Variants in NRXN1 observed in about 807,000 individuals in gnomAD.
NRXN1 encodes the protein neurexin-1.
NRXN1 carries 39 observed loss-of-function variants against 150.9 expected under a neutral mutation model. The observed-to-expected ratio is 0.26, with a 90% CI of 0.20 to 0.34. The LOEUF (loss-of-function observed/expected upper bound fraction) is 0.34. NRXN1 is among the 10% of genes least tolerant of loss of function. The pLI is 1.00. For synonymous variants in NRXN1, 924 were observed against 757.0 expected (o/e 1.22, Z -3.62); for missense variants, 1,815 against 1,949.9 (o/e 0.93, Z 1.30).
intron 18 of NRXN1, among the ~76,000 whole-genome samples, chr2:50,161,137 AG>A (rs1431122630): frequency 1.3e-5 from 2 of 152,158 alleles, no homozygotes; most frequent in Non-Finnish European, 1.5e-5. Flanking sequence ...GACTGTTTGT[AG>A]TACTTCAATG....
intron 6 of NRXN1, 149 bp from the exon 7 acceptor site, chr2:50,621,398 T>C (rs1290580447): frequency 3.1e-5 from 19 of 603,934 alleles, no homozygotes; most frequent in Middle Eastern, 6.1e-4. Flanking sequence ...AATGACATGT[T>C]AGTTATTAAG....
At chr2:50,241,230 T>A (rs1428197756) in intron 17 of NRXN1, among the ~76,000 whole-genome samples, 1 of 145,556 alleles carries the variant, frequency 6.9e-6, no homozygotes, top group Admixed American at 6.8e-5. Context: ...AAAAAAAAAA[T>A]CACTTGACCA....
At chr2:50,606,250 G>GA (rs1203771076) in intron 8 of NRXN1, among the ~76,000 whole-genome samples, 27,413 of 75,854 alleles carry the variant, frequency 0.36, 3,890 homozygotes, top group East Asian at 0.41. Context: ...CTCTGTTTCA[G>GA]AAAAAAAAAA....
intron 17 of NRXN1, among the ~76,000 whole-genome samples, chr2:50,386,608 G>C (rs1007898774): frequency 6.6e-6 from 1 of 152,028 alleles, no homozygotes; most frequent in African/African-American, 2.4e-5. Context: ...CAAATTGTGG[G>C]GGCAAATTGA....
At chr2:50,970,148 G>A (rs903389777) in intron 2 of NRXN1, among the ~76,000 whole-genome samples, 11 of 152,124 alleles carry the variant, frequency 7.2e-5, no homozygotes, top group Admixed American at 6.6e-4. Flanking sequence ...TACACAGAAA[G>A]GTGGAGAGAA....
intron 17 of NRXN1, among the ~76,000 whole-genome samples, chr2:50,336,767 T>G (rs9309181): frequency 0.37 from 55,736 of 152,046 alleles, 13,570 homozygotes; most frequent in African/African-American, 0.69. Flanking sequence ...ACAGATGTCA[T>G]TTGAGATTAA....
At chr2:50,494,556 A>T (rs2091452224) in intron 15 of NRXN1, among the ~76,000 whole-genome samples, 2 of 152,216 alleles carry the variant, frequency 1.3e-5, no homozygotes, top group African/African-American at 4.8e-5. Context: ...TGTGGGTACA[A>T]ATAAGATCTC....
chr2:50,722,966 G>C (rs1696872319), intron 5 of NRXN1, among the ~76,000 whole-genome samples: 1 of 151,988 alleles, frequency 6.6e-6, no homozygotes, highest in Non-Finnish European at 1.5e-5. Context: ...CTCACACTTG[G>C]GATGCTGAGC....
At chr2:50,087,874 T>C (rs1237185642) in intron 19 of NRXN1, among the ~76,000 whole-genome samples, 4 of 152,170 alleles carry the variant, frequency 2.6e-5, no homozygotes, top group African/African-American at 4.8e-5. Flanking sequence ...ATTAAAGGTA[T>C]AGTGTTGCTA....
chr2:50,962,714 A>T (rs1283671235), intron 2 of NRXN1, among the ~76,000 whole-genome samples: 1 of 151,586 alleles, frequency 6.6e-6, no homozygotes, highest in Non-Finnish European at 1.5e-5. Flanking sequence ...TTGAGTTTTC[A>T]TGAATGTTGA....
At chr2:50,739,918 GA>G (rs1699226403) in intron 5 of NRXN1, among the ~76,000 whole-genome samples, 1 of 152,046 alleles carries the variant, frequency 6.6e-6, no homozygotes, top group South Asian at 2.1e-4. Flanking sequence ...TTCAAATGCT[GA>G]AAAAATTATC....
chr2:50,885,800 A>G (rs1272548993), intron 5 of NRXN1, among the ~76,000 whole-genome samples: 1 of 143,452 alleles, frequency 7.0e-6, no homozygotes. Flanking sequence ...CAGAATGTCT[A>G]AATCGTAAAT....
At chr2:50,325,381 C>T (rs1558527951) in intron 17 of NRXN1, among the ~76,000 whole-genome samples, 1 of 152,192 alleles carries the variant, frequency 6.6e-6, no homozygotes, top group Non-Finnish European at 1.5e-5. Flanking sequence ...ATGCCCCCCA[C>T]CAGGTCCCAT....
intron 17 of NRXN1, among the ~76,000 whole-genome samples, chr2:50,458,085 G>A (rs982874433): frequency 1.3e-5 from 2 of 152,184 alleles, no homozygotes. Context: ...ATCAACCTAA[G>A]AATCTGTGGA....
intron 17 of NRXN1, among the ~76,000 whole-genome samples, chr2:50,308,910 T>C (rs2074910489): frequency 6.6e-6 from 1 of 152,104 alleles, no homozygotes; most frequent in Non-Finnish European, 1.5e-5. Context: ...AGCTAAAAAA[T>C]GGGGATAGGT....
At chr2:50,805,873 C>T (rs1279843968) in intron 5 of NRXN1, among the ~76,000 whole-genome samples, 1 of 152,124 alleles carries the variant, frequency 6.6e-6, no homozygotes, top group Non-Finnish European at 1.5e-5. Context: ...GGTCCTTCTA[C>T]TCTCTTCCTT....
At chr2:50,001,785 G>A (rs187293222) in intron 21 of NRXN1, among the ~76,000 whole-genome samples, 3 of 151,988 alleles carry the variant, frequency 2.0e-5, no homozygotes, top group African/African-American at 7.2e-5. Flanking sequence ...AGTAATTTCT[G>A]CCTCCTATAT....
At chr2:50,931,173 G>A (rs1359571053) in intron 2 of NRXN1, among the ~76,000 whole-genome samples, 1 of 151,940 alleles carries the variant, frequency 6.6e-6, no homozygotes, top group East Asian at 1.9e-4. Flanking sequence ...TAAGACTAAT[G>A]GTCTTCATTT....
intron 17 of NRXN1, among the ~76,000 whole-genome samples, chr2:50,249,156 T>TA (rs35936950): frequency 6.7e-4 from 96 of 142,736 alleles, no homozygotes; most frequent in African/African-American, 1.5e-3. Context: ...GACCCTTTCT[T>TA]AAAAAAAAAA....
Sources: allele counts gnomAD v4.1 joint callset (sites outside exome capture counted in the v4.1 genomes callset), GRCh38; gene constraint gnomAD v4.1.1; transcripts MANE v1.5; gene names NCBI Gene and HGNC (gene_info 2026-07-23, HGNC 2026-07-21).